OTUD7A: variants seen among roughly 807,000 people sequenced by gnomAD.
OTUD7A encodes the protein OTU domain-containing protein 7A.
A neutral mutation model predicts 65.7 loss-of-function variants in OTUD7A; 12 were observed. The ratio of observed to expected loss-of-function variants is 0.18; its 90% confidence interval spans 0.12 to 0.30. OTUD7A has a LOEUF of 0.30. Among genes scored for constraint, OTUD7A ranks in the 10% least tolerant of loss-of-function variants. The pLI is 1.00. For synonymous variants in OTUD7A, 641 were observed against 586.3 expected (o/e 1.09, Z -1.35); for missense variants, 1,148 against 1,304.8 (o/e 0.88, Z 1.85).
chr15:31,841,494 A>G (rs890071069), intron 1 of OTUD7A, among the ~76,000 whole-genome samples: 2 of 152,028 alleles, frequency 1.3e-5, no homozygotes, highest in African/African-American at 4.8e-5. Flanking sequence ...CTACATAGTC[A>G]CTTCCCTTAC....
chr15:31,548,689 C>G (rs1367360435), intron 5 of OTUD7A, among the ~76,000 whole-genome samples: 1 of 152,172 alleles, frequency 6.6e-6, no homozygotes, highest in Admixed American at 6.5e-5. Flanking sequence ...TACGTGAAGG[C>G]TGCTATTATC....
intron 1 of OTUD7A, among the ~76,000 whole-genome samples, chr15:31,818,145 T>C (rs1896597038): frequency 6.6e-6 from 1 of 152,220 alleles, no homozygotes; most frequent in Admixed American, 6.5e-5. Flanking sequence ...GCCTTGAAAC[T>C]GGACTTCTCG....
chr15:31,829,425 G>T (rs1995445), intron 1 of OTUD7A, among the ~76,000 whole-genome samples: 2 of 152,044 alleles, frequency 1.3e-5, no homozygotes, highest in Non-Finnish European at 2.9e-5. Context: ...GCCATCTTTC[G>T]TCTTGGTTCC....
intron 1 of OTUD7A, among the ~76,000 whole-genome samples, chr15:31,715,324 G>T (rs1468253101): frequency 7.1e-6 from 1 of 141,690 alleles, no homozygotes. Flanking sequence ...ACTGCAGGCT[G>T]AGCCTTCTGT....
intron 3 of OTUD7A, among the ~76,000 whole-genome samples, chr15:31,605,177 G>A (rs1201862687): frequency 7.8e-6 from 1 of 128,348 alleles, no homozygotes; most frequent in Non-Finnish European, 1.7e-5. Context: ...GTGTAGAATC[G>A]GTGCGTGTGG....
chr15:31,546,835 A>C (rs1327794881), intron 5 of OTUD7A, among the ~76,000 whole-genome samples: 1 of 152,238 alleles, frequency 6.6e-6, no homozygotes, highest in African/African-American at 2.4e-5. Context: ...AATGAATTGC[A>C]TAAGCTTAAT....
chr15:31,775,075 C>T (rs1279021082), intron 1 of OTUD7A, among the ~76,000 whole-genome samples: 1 of 142,900 alleles, frequency 7.0e-6, no homozygotes, highest in East Asian at 2.1e-4. Context: ...TGTACGCTCC[C>T]ATGTCCATGC....
intron 1 of OTUD7A, among the ~76,000 whole-genome samples, chr15:31,831,234 C>G (rs976300741): frequency 6.6e-6 from 1 of 152,122 alleles, no homozygotes; most frequent in Non-Finnish European, 1.5e-5. Context: ...CATGCCTTAG[C>G]ATAGGCAAAA....
chr15:31,687,529 C>T (rs1449406866), intron 1 of OTUD7A, among the ~76,000 whole-genome samples: 1 of 152,184 alleles, frequency 6.6e-6, no homozygotes, highest in Non-Finnish European at 1.5e-5. Context: ...ATGCCTCCTG[C>T]GATGGTCACT....
intron 1 of OTUD7A, among the ~76,000 whole-genome samples, chr15:31,777,186 C>T (rs991103220): frequency 5.9e-5 from 9 of 152,150 alleles, no homozygotes; most frequent in Non-Finnish European, 5.9e-5. Context: ...ACGGTGACTT[C>T]TCCCTGCATC....
intron 3 of OTUD7A, among the ~76,000 whole-genome samples, chr15:31,571,498 ACCTTCT>A (rs1291363517): frequency 2.6e-5 from 4 of 152,190 alleles, no homozygotes. Context: ...CCCTGGTTCC[ACCTTCT>A]AACTAATTCT....
intron 3 of OTUD7A, among the ~76,000 whole-genome samples, chr15:31,626,080 G>A (rs907884020): frequency 1.2e-4 from 18 of 152,138 alleles, no homozygotes; most frequent in Non-Finnish European, 2.5e-4. Context: ...TTGAAAGGAA[G>A]GTAGTGTTTG....
chr15:31,606,366 G>C lies in OTUD7A; in HGVS notation c.152-36169C>G, dbSNP rs1212402753. On this transcript the variant is annotated intron_variant, in intron 3 of 12. Coordinates refer to ENST00000307050, the MANE Select transcript of OTUD7A (RefSeq NM_001382637.1). ...ATGAACACACACGTGACCGTGCACAGAGTTAGTAGCTTGAAAAATGTTACA... is the reference window on the plus strand; with the variant it reads ...ATGAACACACACGTGACCGTGCACACAGTTAGTAGCTTGAAAAATGTTACA... Among the ~76,000 whole-genome samples the C allele has an allele frequency of 3.3e-5, 5 of 152,230 alleles. No homozygotes were observed. In the East Asian group the frequency reaches 9.6e-4, roughly 29 times the overall value.
intron 8 of OTUD7A, among the ~76,000 whole-genome samples, chr15:31,522,911 T>G (rs1476953191): frequency 1.3e-5 from 2 of 152,186 alleles, no homozygotes; most frequent in East Asian, 3.8e-4. Context: ...CAAGGACCAA[T>G]AGTACAGGGG....
At chr15:31,559,727 A>G (rs1888627239) in intron 4 of OTUD7A, among the ~76,000 whole-genome samples, 1 of 152,218 alleles carries the variant, frequency 6.6e-6, no homozygotes, top group Non-Finnish European at 1.5e-5. Flanking sequence ...CATACTATAT[A>G]CGTGTACACA....
In OTUD7A at chr15:31,610,605, A is replaced by ATTTTTT. The variant is rs1472216504; in HGVS notation, c.152-40409_152-40408insAAAAAA. Among the ~76,000 whole-genome samples the ATTTTTT allele has an allele frequency of 1.5e-3, 57 of 38,624 alleles. 1 individual carries two copies. Among genetic ancestry groups the ATTTTTT allele is most frequent in the Non-Finnish European group, 2.0e-3 (42 of 20,840 alleles). 25.3% of individuals were successfully genotyped at this position (38,624 alleles called of 152,430 possible). A position where few individuals can be genotyped will look rare whatever the true frequency, so the allele number is the denominator to read the frequency against. On this transcript the variant is annotated intron_variant, in intron 3 of 12. Transcript: ENST00000307050. ...AAGAAAAATGAAATTATATATATATATATATATATATATTTTTTTTTTTTT... is the reference window on the plus strand; with the variant it reads ...AAGAAAAATGAAATTATATATATATATTTTTTTATATATATATATTTTTTTTTTTTT...
chr15:31,748,994 T>C (rs1379846219), intron 1 of OTUD7A, among the ~76,000 whole-genome samples: 1 of 152,110 alleles, frequency 6.6e-6, no homozygotes, highest in Non-Finnish European at 1.5e-5. Context: ...TGTAGGAACA[T>C]GGATGAAGCT....
chr15:31,712,012 C>A (rs995117762), intron 1 of OTUD7A, among the ~76,000 whole-genome samples: 1 of 151,090 alleles, frequency 6.6e-6, no homozygotes, highest in Admixed American at 6.6e-5. Flanking sequence ...GCCCAGAGCA[C>A]TTCTGGGCTA....
At chr15:31,676,936 T>C (rs1287394633) in intron 1 of OTUD7A, among the ~76,000 whole-genome samples, 1 of 152,246 alleles carries the variant, frequency 6.6e-6, no homozygotes, top group Admixed American at 6.5e-5. Flanking sequence ...GGTGAATACA[T>C]TTATGACCTT....
Sources: allele counts gnomAD v4.1 joint callset (sites outside exome capture counted in the v4.1 genomes callset), GRCh38; gene constraint gnomAD v4.1.1; transcripts MANE v1.5; gene names NCBI Gene and HGNC (gene_info 2026-07-23, HGNC 2026-07-21).